SEMA6D: variants seen among roughly 807,000 people sequenced by gnomAD.
SEMA6D encodes the protein semaphorin 6D.
Under a neutral mutation model 106.6 loss-of-function variants are expected in SEMA6D, and 35 were observed. The observed-to-expected ratio is 0.33, with a 90% CI of 0.25 to 0.44. The LOEUF (loss-of-function observed/expected upper bound fraction) is 0.44, where lower values mean the gene tolerates loss of function less well. SEMA6D is among the 20% of genes least tolerant of loss of function. The pLI is 1.00. For missense variants in SEMA6D, 1,185 were observed against 1,345.9 expected (o/e 0.88, Z 1.87); for synonymous variants, 499 against 487.7 (o/e 1.02, Z -0.31).
rs1277711017 is a variant in SEMA6D at position 47,772,500 on chromosome 15, C to G, written c.*715C>G. 6.6e-6 allele frequency: 1 copy of G among 152,242 alleles called. No individual in the cohort carries two copies. The highest frequency in any genetic ancestry group is 2.4e-5 in the African/African-American group (1 of 41,302). 9.4% of individuals were successfully genotyped at this position (152,242 alleles called of 1,614,324 possible). ...AGACAATACTATTTCCCACAGGAGTCCATTGGGTTCAGCTTTGAAAGAGGA... is the reference window on the plus strand; with the variant it reads ...AGACAATACTATTTCCCACAGGAGTGCATTGGGTTCAGCTTTGAAAGAGGA... On this transcript the variant is annotated 3_prime_UTR_variant, in exon 19 of 19. Transcript: ENST00000536845.
chr15:47,261,900 T>C (rs1220973411), intron 1 of SEMA6D, among the ~76,000 whole-genome samples: 1 of 152,204 alleles, frequency 6.6e-6, no homozygotes, highest in Non-Finnish European at 1.5e-5. Flanking sequence ...TATACCATAT[T>C]TTGCCTATTG....
At chr15:47,655,531 T>C (rs1416553806) in intron 4 of SEMA6D, among the ~76,000 whole-genome samples, 1 of 152,252 alleles carries the variant, frequency 6.6e-6, no homozygotes, top group African/African-American at 2.4e-5. Flanking sequence ...ATATCTTGTT[T>C]TAAGTGAGCA....
intron 1 of SEMA6D, among the ~76,000 whole-genome samples, chr15:47,745,863 T>C (rs753552006): frequency 5.3e-5 from 8 of 152,206 alleles, no homozygotes; most frequent in Non-Finnish European, 1.0e-4. Context: ...ATTTAAAAAA[T>C]AATTATTTTG....
intron 3 of SEMA6D, among the ~76,000 whole-genome samples, chr15:47,528,633 G>C (rs919115293): frequency 6.6e-6 from 1 of 152,204 alleles, no homozygotes; most frequent in African/African-American, 2.4e-5. Context: ...CATGTAGCAG[G>C]ATAGATAAAA....
At chr15:47,341,055 A>T (rs2037792740) in intron 1 of SEMA6D, among the ~76,000 whole-genome samples, 1 of 152,184 alleles carries the variant, frequency 6.6e-6, no homozygotes, top group Non-Finnish European at 1.5e-5. Context: ...CTCTCATGTC[A>T]GTCAGTGGAT....
chr15:47,310,507 G>A lies in SEMA6D; in HGVS notation c.-238-101886G>A, dbSNP rs149383483. The stretch of plus-strand genomic sequence containing the variant: ...TTTATTCAACTTGTAGGCTACTTTG[G>A]AGGAGTTTATAAAGTCCTGAAGAAA... On this transcript the variant is annotated intron_variant, in intron 1 of 19. Coordinates refer to the SEMA6D transcript ENST00000558014. 5.7e-3 allele frequency among the ~76,000 whole-genome samples: 873 copies of A among 152,176 alleles called. 12 individuals are homozygous for A. Among genetic ancestry groups the A allele is most frequent in the African/African-American group, 0.02 (829 of 41,534 alleles).
intron 1 of SEMA6D, among the ~76,000 whole-genome samples, chr15:47,384,634 C>G (rs752740126): frequency 1.3e-5 from 2 of 152,188 alleles, no homozygotes; most frequent in African/African-American, 2.4e-5. Flanking sequence ...AACGCCTACA[C>G]GCCTCATGCC....
chr15:47,732,916 A>G (rs1371234681), intron 1 of SEMA6D, among the ~76,000 whole-genome samples: 2 of 152,226 alleles, frequency 1.3e-5, no homozygotes, highest in African/African-American at 4.8e-5. Context: ...ATGAGAAATA[A>G]GATACCCCTG....
intron 4 of SEMA6D, among the ~76,000 whole-genome samples, chr15:47,697,693 G>T (rs369774138): frequency 6.6e-6 from 1 of 152,118 alleles, no homozygotes; most frequent in South Asian, 2.1e-4. Context: ...TATAGGGAAG[G>T]TCTGATGAAT....
At chr15:47,463,012 G>A (rs1180337240) in intron 2 of SEMA6D, among the ~76,000 whole-genome samples, 1 of 152,046 alleles carries the variant, frequency 6.6e-6, no homozygotes, top group Non-Finnish European at 1.5e-5. Flanking sequence ...CCAATTCAAT[G>A]ATGAACTTGG....
At chr15:47,205,866 A>G (rs1462835481) in intron 1 of SEMA6D, among the ~76,000 whole-genome samples, 1 of 152,198 alleles carries the variant, frequency 6.6e-6, no homozygotes, top group Non-Finnish European at 1.5e-5. Flanking sequence ...GCATGCATGC[A>G]TAGGTCATAT....
At chr15:47,256,989 A>G (rs754717824) in intron 1 of SEMA6D, among the ~76,000 whole-genome samples, 1 of 152,108 alleles carries the variant, frequency 6.6e-6, no homozygotes, top group Non-Finnish European at 1.5e-5. Flanking sequence ...GATTTTATTT[A>G]TATTTCTTAC....
chr15:47,495,855 A>G (rs963874789), intron 3 of SEMA6D, among the ~76,000 whole-genome samples: 2 of 152,098 alleles, frequency 1.3e-5, no homozygotes, highest in Non-Finnish European at 1.5e-5. Flanking sequence ...AGAGTATTTA[A>G]AAGGTGCCCT....
At chr15:47,384,631 A>G (rs1321982492) in intron 1 of SEMA6D, among the ~76,000 whole-genome samples, 2 of 152,148 alleles carry the variant, frequency 1.3e-5, no homozygotes, top group African/African-American at 4.8e-5. Flanking sequence ...CCAAACGCCT[A>G]CACGCCTCAT....
At chr15:47,599,724 T>A (rs2117797) in intron 3 of SEMA6D, among the ~76,000 whole-genome samples, 26,468 of 151,958 alleles carry the variant, frequency 0.17, 2,650 homozygotes, top group African/African-American at 0.26. Flanking sequence ...GAATGTGGAC[T>A]TTTTTCTTTT....
At chr15:47,682,976 G>A (rs996982356) in intron 4 of SEMA6D, among the ~76,000 whole-genome samples, 2 of 152,198 alleles carry the variant, frequency 1.3e-5, no homozygotes, top group Admixed American at 6.5e-5. Flanking sequence ...TGAATACAGT[G>A]AGCACGTTCA....
chr15:47,694,644 C>G (rs1420375591), intron 4 of SEMA6D, among the ~76,000 whole-genome samples: 1 of 152,002 alleles, frequency 6.6e-6, no homozygotes, highest in Non-Finnish European at 1.5e-5. Context: ...ATTCATTCAC[C>G]TGATACAAAT....
At chr15:47,365,633 G>A (rs1398288549) in intron 1 of SEMA6D, among the ~76,000 whole-genome samples, 1 of 152,026 alleles carries the variant, frequency 6.6e-6, no homozygotes, top group East Asian at 1.9e-4. Context: ...GGCCGAGGTG[G>A]GTGGATCACC....
chr15:47,316,719 G>C (rs1369642263), intron 1 of SEMA6D, among the ~76,000 whole-genome samples: 1 of 150,916 alleles, frequency 6.6e-6, no homozygotes, highest in African/African-American at 2.4e-5. Context: ...AGGTCACATT[G>C]ATTGATTTTC....
Sources: allele counts gnomAD v4.1 joint callset (sites outside exome capture counted in the v4.1 genomes callset), GRCh38; gene constraint gnomAD v4.1.1; transcripts MANE v1.5; gene names NCBI Gene and HGNC (gene_info 2026-07-23, HGNC 2026-07-21).